Variants in RTN1 observed in about 807,000 individuals in gnomAD.
The protein encoded by RTN1 is reticulon-1.
A neutral mutation model predicts 65.5 loss-of-function variants in RTN1; 25 were observed. The observed-to-expected ratio is 0.38, with a 90% CI of 0.28 to 0.53. RTN1 has a LOEUF of 0.53. Ranked by LOEUF, RTN1 falls within the 20% of genes least tolerant of loss-of-function variation. RTN1 has a pLI of 0.79. For missense variants in RTN1, 983 were observed against 1,025.4 expected, an observed-to-expected ratio of 0.96 and a Z score of 0.57; for synonymous variants, 471 against 447.6, an observed-to-expected ratio of 1.05 and a Z score of -0.66.
chr14:59,650,225 G>T (rs567421982), intron 3 of RTN1, among the ~76,000 whole-genome samples: 148 of 152,250 alleles, frequency 9.7e-4, no homozygotes, highest in Middle Eastern at 3.4e-3. Flanking sequence ...ACAGGGAGGG[G>T]AACATCACAC....
chr14:59,745,906 T>C lies in RTN1; in HGVS notation c.817A>G (p.Arg273Gly), dbSNP rs1156560843. Residue 273 changes from arginine to glycine, a missense_variant, in exon 2 of 9, where the codon AGG becomes GGG. Around this residue, in one of 2 missense-constraint regions of RTN1, gnomAD observed 818 missense variants for 801.8 expected, o/e 1.02. Coordinates refer to ENST00000267484, the MANE Select transcript of RTN1 (RefSeq NM_021136.3). ...ACAGGGGTGGTGATCTGAGGAGCCC[T>C]GCGCTGTTCTTCAGAGAGATCATCT... ...YIDDLSEEQR[R>G]APQITTPVKI... 2 of 1,614,122 alleles carry C rather than the reference T, an allele frequency of 1.2e-6. No homozygotes were observed. Among genetic ancestry groups the C allele is most frequent in the Non-Finnish European group, 1.7e-6 (2 of 1,180,006 alleles).
chr14:59,715,576 AGCACTTTGGGAG>A (rs1884516268), intron 3 of RTN1, among the ~76,000 whole-genome samples: 1 of 152,240 alleles, frequency 6.6e-6, no homozygotes, highest in Non-Finnish European at 1.5e-5. Context: ...CTGTAATCCC[AGCACTTTGGGAG>A]GCAGAGGCAG....
chr14:59,765,128 G>GA (rs375803766), intron 1 of RTN1, among the ~76,000 whole-genome samples: 153 of 145,306 alleles, frequency 1.1e-3, no homozygotes, highest in South Asian at 5.4e-3. Context: ...AGAATTAGGA[G>GA]AAAAAAAAAA....
intron 1 of RTN1, among the ~76,000 whole-genome samples, chr14:59,855,018 A>G (rs188832383): frequency 9.6e-4 from 147 of 152,334 alleles, no homozygotes; most frequent in Middle Eastern, 3.4e-3. Context: ...TCAACAACTA[A>G]AAGTAGTACT....
chr14:59,667,806 T>C (rs990560506), intron 3 of RTN1, among the ~76,000 whole-genome samples: 1 of 152,132 alleles, frequency 6.6e-6, no homozygotes, highest in African/African-American at 2.4e-5. Context: ...AGCATTCCTC[T>C]ACACCATTAG....
intron 4 of RTN1, chr14:59,606,059 A>G (rs1881735399): frequency 2.7e-5 from 4 of 148,128 alleles, no homozygotes; most frequent in Admixed American, 2.7e-4. Flanking sequence ...GACATTTTTC[A>G]TTAGTTCAAA....
chr14:59,693,116 G>A (rs544824710), intron 3 of RTN1, among the ~76,000 whole-genome samples: 3 of 152,286 alleles, frequency 2.0e-5, no homozygotes, highest in South Asian at 2.1e-4. Context: ...GGCTTTCTCC[G>A]TCTGCTCTTG....
intron 3 of RTN1, among the ~76,000 whole-genome samples, chr14:59,720,567 A>G (rs1364444946): frequency 6.6e-6 from 1 of 152,156 alleles, no homozygotes; most frequent in Non-Finnish European, 1.5e-5. Context: ...ACCAAAAAAT[A>G]CAAAAATTAG....
chr14:59,795,127 A>C (rs190058875), intron 1 of RTN1, among the ~76,000 whole-genome samples: 1 of 152,298 alleles, frequency 6.6e-6, no homozygotes, highest in African/African-American at 2.4e-5. Context: ...GTTTGTGTGC[A>C]TACCAGCTGA....
intron 3 of RTN1, among the ~76,000 whole-genome samples, chr14:59,679,520 T>C (rs1883700640): frequency 1.3e-5 from 2 of 152,208 alleles, no homozygotes; most frequent in Non-Finnish European, 2.9e-5. Context: ...GTACTAGTCA[T>C]AGGTACCTTT....
intron 3 of RTN1, among the ~76,000 whole-genome samples, chr14:59,675,118 TG>T (rs948210066): frequency 4.6e-5 from 7 of 151,888 alleles, no homozygotes; most frequent in African/African-American, 1.2e-4. Flanking sequence ...GGCACCATGA[TG>T]GAGGAAGCTC....
chr14:59,690,787 T>G (rs1333247720), intron 3 of RTN1, among the ~76,000 whole-genome samples: 1 of 151,748 alleles, frequency 6.6e-6, no homozygotes, highest in African/African-American at 2.4e-5. Context: ...ACCAAGAAGA[T>G]CTCTCAAAAC....
intron 1 of RTN1, among the ~76,000 whole-genome samples, chr14:59,779,879 AC>A (rs1246540582): frequency 6.6e-6 from 1 of 152,012 alleles, no homozygotes; most frequent in East Asian, 1.9e-4. Context: ...CTCAGAGGAG[AC>A]CATTAAGGCA....
chr14:59,814,580 A>G (rs1245972717), intron 1 of RTN1, among the ~76,000 whole-genome samples: 1 of 152,170 alleles, frequency 6.6e-6, no homozygotes, highest in African/African-American at 2.4e-5. Flanking sequence ...TAATCCATTA[A>G]CTCATTTTTG....
At chr14:59,819,424 CA>C (rs1566737516) in intron 1 of RTN1, among the ~76,000 whole-genome samples, 266 of 11,752 alleles carry the variant, frequency 0.023, 50 homozygotes, top group Non-Finnish European at 0.034. Flanking sequence ...ACCCCCCCCC[CA>C]CCCCCCACCC....
intron 3 of RTN1, among the ~76,000 whole-genome samples, chr14:59,693,725 T>C (rs1884006992): frequency 6.6e-6 from 1 of 152,252 alleles, no homozygotes. Context: ...GTACAAGGTA[T>C]GCTATTAATC....
intron 8 of RTN1, among the ~76,000 whole-genome samples, chr14:59,601,702 G>A (rs1249245687): frequency 6.6e-6 from 1 of 152,074 alleles, no homozygotes; most frequent in African/African-American, 2.4e-5. Context: ...CTTTGCTATA[G>A]TTTATGAACA....
intron 3 of RTN1, among the ~76,000 whole-genome samples, chr14:59,621,517 C>T (rs1882253516): frequency 6.6e-6 from 1 of 152,192 alleles, no homozygotes; most frequent in Non-Finnish European, 1.5e-5. Flanking sequence ...CAGCTATGAG[C>T]ACACACACTG....
chr14:59,870,398 G>C lies in RTN1; in HGVS notation c.233C>G (p.Ala78Gly). Residue 78 changes from alanine to glycine, a missense_variant, in exon 1 of 9, where the codon GCA (alanine) becomes GGA (glycine). By Grantham distance (60) the Ala-to-Gly change is moderately conservative. Transcript: ENST00000267484. This position sits in a 1 kb window ranked among gnomAD's most constrained non-coding sequence, Gnocchi z 5.1. ...ARQSPVAMET[A>G]STGVAGVSSA... ...AGCGGCGCCCGCCTTACCTGTGGATGCAGTTTCCATGGCAACGGGCGACTG... is the reference window on the plus strand; with the variant it reads ...AGCGGCGCCCGCCTTACCTGTGGATCCAGTTTCCATGGCAACGGGCGACTG... 6.6e-7 allele frequency: 1 copy of C among 1,524,426 alleles called. No homozygotes were observed. The highest frequency in any genetic ancestry group is 1.9e-4 in the Middle Eastern group (1 of 5,356). The allele number at this position is 1,524,426 out of a possible 1,614,324, so 94.4% of individuals were successfully genotyped here.
Sources: allele counts gnomAD v4.1 joint callset (sites outside exome capture counted in the v4.1 genomes callset), GRCh38; gene constraint gnomAD v4.1.1; regional missense constraint gnomAD v4.1.1; non-coding constraint Gnocchi (gnomAD v3.1); transcripts MANE v1.5; gene names NCBI Gene and HGNC (gene_info 2026-07-23, HGNC 2026-07-21).